MYO10: variants seen among roughly 807,000 people sequenced by gnomAD.
MYO10 encodes the protein myosin X.
A neutral mutation model predicts 257.3 loss-of-function variants in MYO10; 133 were observed. That is an observed-to-expected ratio of 0.52 (90% confidence interval 0.45 to 0.60). The LOEUF (loss-of-function observed/expected upper bound fraction) is 0.60, where lower values mean the gene tolerates loss of function less well. MYO10 is among the 20% of genes least tolerant of loss of function. The pLI is 0.00. For synonymous variants in MYO10, 1,104 were observed against 1,028.6 expected (o/e 1.07, Z -1.40); for missense variants, 2,399 against 2,635.7 (o/e 0.91, Z 1.97).
chr5:16,716,133 GT>G (rs1738861591), intron 19 of MYO10, among the ~76,000 whole-genome samples: 1 of 151,514 alleles, frequency 6.6e-6, no homozygotes, highest in South Asian at 2.1e-4. Flanking sequence ...GGAAGAGAAA[GT>G]TTGCATCCTG....
intron 18 of MYO10, among the ~76,000 whole-genome samples, chr5:16,757,306 ACACACACACG>A (rs1208577401): frequency 0.03 from 2,462 of 81,202 alleles, 28 homozygotes; most frequent in Non-Finnish European, 0.043. Context: ...ACACAAACAC[ACACACACACG>A]CACACACACA....
intron 16 of MYO10, 40 bp from the exon 17 acceptor site, chr5:16,761,586 G>C (rs756816647): frequency 6.8e-7 from 1 of 1,473,036 alleles, no homozygotes; most frequent in Non-Finnish European, 9.5e-7. Flanking sequence ...CTGATTGAAA[G>C]AATAGTTTCA....
chr5:16,930,463 A>G (rs1411061392), intron 1 of MYO10, among the ~76,000 whole-genome samples: 1 of 152,218 alleles, frequency 6.6e-6, no homozygotes, highest in Non-Finnish European at 1.5e-5. Flanking sequence ...TGGAAATACA[A>G]AATCTGCCAG....
At chr5:16,728,596 T>G (rs1739462183) in intron 19 of MYO10, among the ~76,000 whole-genome samples, 1 of 152,004 alleles carries the variant, frequency 6.6e-6, no homozygotes, top group Admixed American at 6.6e-5. Context: ...TATTTAAATA[T>G]GAATTACCAT....
intron 32 of MYO10, among the ~76,000 whole-genome samples, chr5:16,680,429 G>A (rs753580277): frequency 6.6e-6 from 1 of 152,152 alleles, no homozygotes; most frequent in Non-Finnish European, 1.5e-5. Context: ...TCTGGAACAG[G>A]AGTGAAAACT....
chr5:16,920,700 A>G (rs1745955655), intron 1 of MYO10, among the ~76,000 whole-genome samples: 1 of 152,208 alleles, frequency 6.6e-6, no homozygotes, highest in East Asian at 1.9e-4. Flanking sequence ...AGGAATGTCA[A>G]TTTCCTGATT....
At position 16,674,313 on chromosome 5, in the gene MYO10, CA is replaced by C. The variant is rs569702160; in HGVS notation, c.4965-425del. The stretch of plus-strand genomic sequence containing the variant: ...TGAAACCCCATCTCTACTAAAAGTA[CA>C]AAAAATTAGCCAGGCGTTGTGGCGG... On this transcript the variant is annotated intron_variant, in intron 35 of 40. Coordinates refer to ENST00000513610, the MANE Select transcript of MYO10 (RefSeq NM_012334.3). 1.9e-3 allele frequency among the ~76,000 whole-genome samples: 289 copies of C among 152,152 alleles called. 1 individual carries two copies. Among genetic ancestry groups the C allele is most frequent in the African/African-American group, 6.6e-3 (272 of 41,500 alleles).
intron 28 of MYO10, 88 bp downstream of exon 28, chr5:16,689,736 G>A: frequency 9.0e-7 from 1 of 1,111,756 alleles, no homozygotes; most frequent in Non-Finnish European, 1.4e-6. Flanking sequence ...TTCAAGGCCA[G>A]TACAGTAAAC....
rs1230210250 is a variant in MYO10, at chr5:16,758,288, A to G, written c.1740-62T>C. The stretch of plus-strand genomic sequence containing the variant: ...CACACCCATTATTAGGTGCAAGATT[A>G]TTGTAATTAATGGTGCCCTTTCTCA... On this transcript the variant is annotated intron_variant, in intron 17 of 40. Coordinates refer to ENST00000513610, the MANE Select transcript of MYO10 (RefSeq NM_012334.3). The G allele has an allele frequency of 1.2e-5, 13 of 1,107,306 alleles. No individual in the cohort carries two copies. In the East Asian group the frequency reaches 2.8e-4, roughly 24 times the overall value. 68.6% of individuals were successfully genotyped at this position (1,107,306 alleles called of 1,614,324 possible).
In MYO10 at chr5:16,681,487, C is replaced by T; in HGVS notation, c.4206G>A (p.Glu1402=). 2 of 1,602,888 alleles carry T rather than the reference C, an allele frequency of 1.2e-6. No homozygotes were observed. The highest frequency in any genetic ancestry group is 1.7e-6 in the Non-Finnish European group (2 of 1,177,204). The change falls in exon 32 of 41, where the codon GAG becomes GAA. Residue 1402 remains glutamate, a synonymous_variant. Coordinates refer to ENST00000513610, the MANE Select transcript of MYO10 (RefSeq NM_012334.3). The stretch of plus-strand genomic sequence containing the variant: ...AAGACATCTTTGGACTGTTCTTCAC[C>T]TCTTTGTGCAACCATCCTGGAAAAA... ...EFIVRGWLHK[E]VKNSPKMSSL...
At chr5:16,934,511 C>T (rs1320978138) in intron 1 of MYO10, among the ~76,000 whole-genome samples, 2 of 152,214 alleles carry the variant, frequency 1.3e-5, no homozygotes, top group East Asian at 1.9e-4. Context: ...AGTTCTGGTG[C>T]CTTTCGACAA....
chr5:16,693,839 G>T (rs1429862636), intron 27 of MYO10, among the ~76,000 whole-genome samples: 2 of 152,172 alleles, frequency 1.3e-5, no homozygotes, highest in African/African-American at 4.8e-5. Context: ...CTATAAGGGT[G>T]TGGCAGAAAA....
At chr5:16,858,868 G>A (rs1272351251) in intron 2 of MYO10, among the ~76,000 whole-genome samples, 1 of 152,142 alleles carries the variant, frequency 6.6e-6, no homozygotes, top group Non-Finnish European at 1.5e-5. Flanking sequence ...TGAGACAGAA[G>A]AATCACTTGA....
chr5:16,757,316 GCACA>G (rs1183703448), intron 18 of MYO10, among the ~76,000 whole-genome samples: 23 of 81,034 alleles, frequency 2.8e-4, no homozygotes, highest in South Asian at 1.7e-3. Context: ...ACACACACAC[GCACA>G]CACACACACA....
At chr5:16,785,374 C>T (rs374503202) in intron 4 of MYO10, among the ~76,000 whole-genome samples, 6 of 152,296 alleles carry the variant, frequency 3.9e-5, no homozygotes, top group East Asian at 3.9e-4. Context: ...TTTCAAGGAA[C>T]GATTTAAATC....
In MYO10 at chr5:16,682,005, G is replaced by A. The variant is rs201643495; in HGVS notation, c.4055C>T (p.Ser1352Leu). Residue 1352 changes from serine to leucine, a missense_variant, in exon 31 of 41, where the codon TCG (serine) becomes TTG (leucine). This residue lies in a region of MYO10 where 1,820 missense variants were observed against 1,939.4 expected (regional missense o/e 0.94). Transcript: ENST00000513610. ...CCGGTTGGCCGTGATGATCACAAAC[G>A]AGTTGGGTCTGAGCCACAAGATGAG... ...CASDSPDRPN[S>L]FVIITANRVL... The A allele has an allele frequency of 5.1e-5, 82 of 1,613,238 alleles. No homozygotes were observed. Among genetic ancestry groups the A allele is most frequent in the East Asian group, 2.2e-5 (1 of 44,874 alleles).
In MYO10 at chr5:16,781,767, C is replaced by G. The variant is rs1741431985; in HGVS notation, c.665G>C (p.Gly222Ala). The G allele has an allele frequency of 6.2e-7, 1 of 1,613,958 alleles. No homozygotes were observed. Among genetic ancestry groups the G allele is most frequent in the Non-Finnish European group, 8.5e-7 (1 of 1,179,874 alleles). ...ACAGATGTTCAGCTGAACAAACTTC[C>G]CAAAGCGACTAGAGTTGTTGTTGTA... ...TVYNNNSSRF[G>A]KFVQLNICQK... Residue 222 changes from glycine to alanine, a missense_variant, in exon 6 of 41, where the codon GGG becomes GCG. Gly to Ala is a moderately conservative substitution (Grantham distance 60). Coordinates refer to ENST00000513610, the MANE Select transcript of MYO10 (RefSeq NM_012334.3).
intron 2 of MYO10, among the ~76,000 whole-genome samples, chr5:16,855,548 C>G (rs1743937029): frequency 6.6e-6 from 1 of 152,202 alleles, no homozygotes; most frequent in Non-Finnish European, 1.5e-5. Flanking sequence ...AAATTTTAAT[C>G]TCCCTGGTTT....
At chr5:16,835,798 G>A (rs1402458249) in intron 2 of MYO10, among the ~76,000 whole-genome samples, 1 of 128,962 alleles carries the variant, frequency 7.8e-6, no homozygotes, top group Non-Finnish European at 1.6e-5. Flanking sequence ...AATTAAGGAG[G>A]GCAAAAGTCT....
Sources: allele counts gnomAD v4.1 joint callset (sites outside exome capture counted in the v4.1 genomes callset), GRCh38; gene constraint gnomAD v4.1.1; regional missense constraint gnomAD v4.1.1; transcripts MANE v1.5; gene names NCBI Gene and HGNC (gene_info 2026-07-23, HGNC 2026-07-21).